Variants in GNL2 observed in about 807,000 individuals in gnomAD.
GNL2 encodes nucleolar GTP-binding protein 2.
Under a neutral mutation model 92.3 loss-of-function variants are expected in GNL2, and 51 were observed. The observed-to-expected ratio is 0.55, with a 90% CI of 0.44 to 0.70. The LOEUF is 0.70. Among genes scored for constraint, GNL2 ranks in the 30% least tolerant of loss-of-function variants. The pLI, the probability that GNL2 is intolerant of heterozygous loss-of-function variation, is 0.00. For missense variants in GNL2, 844 were observed against 895.6 expected, an observed-to-expected ratio of 0.94 and a Z score of 0.74; for synonymous variants, 283 against 300.6, an observed-to-expected ratio of 0.94 and a Z score of 0.61.
In GNL2 at chr1:37,595,934, G is replaced by C; in HGVS notation, c.-112C>G. 1.2e-6 allele frequency: 1 copy of C among 834,186 alleles called. No homozygotes were observed. The highest frequency in any genetic ancestry group is 2.0e-6 in the Non-Finnish European group (1 of 491,648). The allele number at this position is 834,186 out of a possible 1,614,324, so 51.7% of individuals were successfully genotyped here. ...CCGCCTGAACCACGCCGGACCACGT[G>C]TGCACGACGTACGTCACTTCCGCTC... On this transcript the variant is annotated 5_prime_UTR_variant, in exon 1 of 16. Coordinates refer to ENST00000373062, the MANE Select transcript of GNL2 (RefSeq NM_013285.3).
At chr1:37,574,108 G>A (rs1186446009) in intron 12 of GNL2, among the ~76,000 whole-genome samples, 1 of 152,060 alleles carries the variant, frequency 6.6e-6, no homozygotes, top group African/African-American at 2.4e-5. Flanking sequence ...GGTCAGGCTG[G>A]TCTTGAACTC....
intron 8 of GNL2, among the ~76,000 whole-genome samples, chr1:37,579,948 G>A (rs1643740457): frequency 6.7e-6 from 1 of 148,742 alleles, no homozygotes; most frequent in Admixed American, 6.7e-5. Flanking sequence ...ATTAAACCAG[G>A]AGGTAAAAGC....
Position 37,575,621 on chromosome 1 carries a change from C to T in GNL2, c.1117G>A (p.Glu373Lys), listed in dbSNP as rs370866072. 30 of 1,592,672 alleles carry T rather than the reference C, an allele frequency of 1.9e-5. No homozygotes were observed. The highest frequency in any genetic ancestry group is 6.8e-5 in the African/African-American group (5 of 73,374). Reference sequence around the variant, plus strand: ...ACTCCTTTTAGCACAATGTCTGTCTCGGAGTCCTCAGAGGGGTAAACCACA... The same window carrying T: ...ACTCCTTTTAGCACAATGTCTGTCTTGGAGTCCTCAGAGGGGTAAACCACA... ...PGVVYPSEDS[E>K]TDIVLKGVVQ... The change falls in exon 10 of 16, where the codon GAG becomes AAG. Residue 373 changes from glutamate to lysine, a missense_variant. Glu to Lys is a moderately conservative substitution (Grantham distance 56, BLOSUM62 1). Coordinates refer to ENST00000373062, the MANE Select transcript of GNL2 (RefSeq NM_013285.3). This position sits in a 1 kb window ranked among gnomAD's most constrained non-coding sequence, Gnocchi z 4.1.
chr1:37,574,348 G>A lies in GNL2; in HGVS notation c.1411C>T (p.Pro471Ser). The A allele has an allele frequency of 6.2e-7, 1 of 1,612,504 alleles. No homozygotes were observed. Among genetic ancestry groups the A allele is most frequent in the South Asian group, 1.1e-5 (1 of 90,920 alleles). The part of the protein sequence containing the change: ...KPPNAEPLVA[P>S]QLLPSSSLEV... ...TGGGCCCACCCTGCTCTTACCTGGG[G>A]GGCCACAAGTGGCTCTGCATTGGGT... Residue 471 changes from proline to serine, a missense_variant, in exon 12 of 16, where the codon CCC (proline) becomes TCC (serine). Physicochemically the swap from Pro to Ser is moderately conservative, Grantham distance 74. Transcript: ENST00000373062.
At chr1:37,589,442 C>A (rs1358393571) in intron 4 of GNL2, among the ~76,000 whole-genome samples, 1 of 152,168 alleles carries the variant, frequency 6.6e-6, no homozygotes, top group Non-Finnish European at 1.5e-5. Flanking sequence ...GTAGCTGGGA[C>A]TACAGGTGCC....
chr1:37,579,365 C>T (rs757304676), intron 8 of GNL2, among the ~76,000 whole-genome samples: 15 of 151,722 alleles, frequency 9.9e-5, no homozygotes, highest in African/African-American at 1.7e-4. Context: ...CTGACCAACA[C>T]GGAGAAGCCC....
chr1:37,581,682 T>TTG, intron 8 of GNL2: 1 of 362,968 alleles, frequency 2.8e-6, no homozygotes, highest in Non-Finnish European at 5.4e-6. Flanking sequence ...CTTCTTCTTT[T>TTG]TTTGAGAAGT....
intron 1 of GNL2, chr1:37,594,047 T>C (rs1643906247): frequency 1.8e-6 from 1 of 545,772 alleles, no homozygotes; most frequent in Non-Finnish European, 3.3e-6. Flanking sequence ...CAATCTTTGA[T>C]CTTCGATAGG....
At chr1:37,582,110 G>A (rs1024953019) in intron 8 of GNL2, 113 bp downstream of exon 8, 15 of 643,928 alleles carry the variant, frequency 2.3e-5, no homozygotes, top group Admixed American at 3.0e-5. Flanking sequence ...ACAGACCTGC[G>A]CAACCACGTC....
In GNL2 at chr1:37,575,674, C is replaced by T. The variant is rs201771106; in HGVS notation, c.1064G>A (p.Arg355His). Residue 355 changes from arginine (R) to histidine (H), a missense_variant, in exon 10 of 16, where the codon CGT becomes CAT. Arg to His is a conservative substitution (Grantham distance 29). Transcript: ENST00000373062. This position sits in a 1 kb window ranked among gnomAD's most constrained non-coding sequence, Gnocchi z 4.1. The stretch of plus-strand genomic sequence containing the variant: ...TGGACAGTCAATCAGGAATATCCGA[C>T]GCATCAAAGTAATATACTGCCAGAC... The part of the protein sequence containing the change: ...TKVWQYITLM[R>H]RIFLIDCPGV... 3.7e-6 allele frequency: 6 copies of T among 1,602,142 alleles called. No individual in the cohort carries two copies. Among genetic ancestry groups the T allele is most frequent in the Admixed American group, 3.5e-5 (2 of 56,780 alleles).
rs55821696 is a variant in GNL2 at position 37,592,806 on chromosome 1, C to T, written c.150G>A (p.Arg50=). The T allele has an allele frequency of 6.1e-4, 962 of 1,568,260 alleles. 2 individuals are homozygous for T. The highest frequency in any genetic ancestry group is 7.9e-4 in the Non-Finnish European group (902 of 1,138,604). Residue 50 remains arginine, a splice_region_variant and synonymous_variant, in exon 3 of 16, where the codon AGG becomes AGA. Coordinates refer to ENST00000373062, the MANE Select transcript of GNL2 (RefSeq NM_013285.3). ...RLNMYRQKER[R]NSRGKIIKPL... ...GTTTAATTATTTTACCACGACTGTTCCTAAATTGAGGAAAGAACAGATATT... is the reference window on the plus strand; with the variant it reads ...GTTTAATTATTTTACCACGACTGTTTCTAAATTGAGGAAAGAACAGATATT...
At chr1:37,585,981 T>C (rs908580233) in intron 5 of GNL2, among the ~76,000 whole-genome samples, 2 of 152,138 alleles carry the variant, frequency 1.3e-5, no homozygotes, top group Non-Finnish European at 2.9e-5. Context: ...CATGCTTTGC[T>C]CCGTAAGAAC....
intron 6 of GNL2, 95 bp downstream of exon 6, chr1:37,583,772 C>T (rs3753372): frequency 0.44 from 347,185 of 783,176 alleles, 80,517 homozygotes; most frequent in East Asian, 0.6. Context: ...CTGTACTCTG[C>T]GCAACAGAGC....
intron 8 of GNL2, 32 bp from the exon 9 acceptor site, chr1:37,576,588 T>C (rs752111692): frequency 6.2e-7 from 1 of 1,606,942 alleles, no homozygotes; most frequent in East Asian, 2.2e-5. Flanking sequence ...AGCACATACA[T>C]GCAGTCATAT....
At chr1:37,587,519 G>A in intron 4 of GNL2, 24 bp from the exon 5 acceptor site, 1 of 1,516,400 alleles carries the variant, frequency 6.6e-7, no homozygotes, top group Non-Finnish European at 9.0e-7. Flanking sequence ...AGAATAACAG[G>A]TAAAACTAAG....
chr1:37,569,665 C>G, intron 12 of GNL2: 1 of 206,072 alleles, frequency 4.9e-6, no homozygotes, highest in South Asian at 8.9e-5. Context: ...AAAATGAAGG[C>G]CAGGCTGGAT....
intron 12 of GNL2, among the ~76,000 whole-genome samples, chr1:37,573,275 C>T (rs971834353): frequency 6.6e-6 from 1 of 152,234 alleles, no homozygotes; most frequent in African/African-American, 2.4e-5. Flanking sequence ...GCAACTGCAA[C>T]TTGGAATGGG....
chr1:37,592,649 C>T (rs752878786), intron 3 of GNL2, 63 bp downstream of exon 3: 2 of 897,162 alleles, frequency 2.2e-6, no homozygotes, highest in South Asian at 1.4e-5. Context: ...GACATTTAAA[C>T]ATCCTAGCCG....
chr1:37,571,145 G>A (rs1643588015), intron 12 of GNL2, among the ~76,000 whole-genome samples: 1 of 152,208 alleles, frequency 6.6e-6, no homozygotes, highest in Admixed American at 6.5e-5. Context: ...TAAGGCATAT[G>A]AGAGTGAAAC....
Sources: gnomAD v4.1 joint callset for allele counts (sites outside exome capture counted in the v4.1 genomes callset) on GRCh38, gnomAD v4.1.1 for gene constraint, Gnocchi (gnomAD v3.1) non-coding constraint, MANE v1.5 for transcripts, NCBI Gene and HGNC (gene_info 2026-07-23, HGNC 2026-07-21) for gene names.